Variants in QKI observed in about 807,000 individuals in gnomAD.
QKI encodes the protein QKI, KH domain containing RNA binding.
Under a neutral mutation model 39.0 loss-of-function variants are expected in QKI, and 10 were observed. That is an observed-to-expected ratio of 0.26 (90% CI 0.16 to 0.43). QKI has a LOEUF of 0.43. QKI is among the 20% of genes least tolerant of loss of function. The pLI, the probability that QKI is intolerant of heterozygous loss-of-function variation, is 1.00. For synonymous variants in QKI, 204 were observed against 155.4 expected, an observed-to-expected ratio of 1.31 and a Z score of -2.33; for missense variants, 218 against 428.0, an observed-to-expected ratio of 0.51 and a Z score of 4.33.
chr6:163,517,081 T>TTCTCTC (rs757701002), intron 3 of QKI, among the ~76,000 whole-genome samples: 36 of 97,658 alleles, frequency 3.7e-4, no homozygotes, highest in African/African-American at 2.1e-3. Context: ...CTCTCTCTCT[T>TTCTCTC]TCTCTCTCTC....
chr6:163,532,901 C>T (rs948672233), intron 3 of QKI, among the ~76,000 whole-genome samples: 4 of 152,114 alleles, frequency 2.6e-5, no homozygotes, highest in African/African-American at 9.7e-5. Flanking sequence ...ATAGGCTCAC[C>T]TCAGTTGTTC....
rs1031859189 is a variant in QKI at position 163,572,607 on chromosome 6, A to G, written c.*1897A>G. ...ATTTGTGTGCAAAGCCTACATCTAA[A>G]CACTTGAGTGAATAATCATTAACTG... On this transcript the variant is annotated 3_prime_UTR_variant, in exon 8 of 8. Coordinates refer to ENST00000361752, the MANE Select transcript of QKI (RefSeq NM_006775.3). 6.9e-6 allele frequency: 1 copy of G among 144,568 alleles called. No homozygotes were observed. The highest frequency in any genetic ancestry group is 1.5e-5 in the Non-Finnish European group (1 of 67,246). 9.0% of individuals were successfully genotyped at this position (144,568 alleles called of 1,614,324 possible). A position where few individuals can be genotyped will look rare whatever the true frequency, so the allele number is the denominator to read the frequency against.
At chr6:163,543,833 CTA>C (rs1466409110) in intron 4 of QKI, among the ~76,000 whole-genome samples, 2 of 151,824 alleles carry the variant, frequency 1.3e-5, no homozygotes, top group African/African-American at 4.8e-5. Flanking sequence ...TTCCAAGTCT[CTA>C]GAGGAAAAAA....
chr6:163,432,160 A>G (rs911601515), intron 1 of QKI, among the ~76,000 whole-genome samples: 3 of 152,172 alleles, frequency 2.0e-5, no homozygotes, highest in African/African-American at 7.2e-5. Context: ...TGTTGCTGGA[A>G]GTATCTACCC....
At chr6:163,465,212 C>G (rs1483507705) in intron 2 of QKI, among the ~76,000 whole-genome samples, 2 of 152,092 alleles carry the variant, frequency 1.3e-5, no homozygotes, top group African/African-American at 4.8e-5. Flanking sequence ...TGTGACAGGC[C>G]CACAGCTGAC....
At chr6:163,478,177 T>C (rs996412229) in intron 2 of QKI, among the ~76,000 whole-genome samples, 4 of 152,228 alleles carry the variant, frequency 2.6e-5, no homozygotes, top group African/African-American at 7.2e-5. Context: ...CAATTATTGA[T>C]ATCACTGGCC....
Position 163,571,319 on chromosome 6 carries a change from A to C in QKI, c.*609A>C, listed in dbSNP as rs1357668612. ...CTGCCAAAATTTGAAGTATTAGAAG[A>C]AAGTGTGCCATGAGAGAAAAACTTA... On this transcript the variant is annotated 3_prime_UTR_variant, in exon 8 of 8. Transcript: ENST00000361752. 6.6e-6 allele frequency: 1 copy of C among 152,224 alleles called. No homozygotes were observed. The highest frequency in any genetic ancestry group is 1.5e-5 in the Non-Finnish European group (1 of 68,044). The allele number at this position is 152,224 out of a possible 1,614,324, so 9.4% of individuals were successfully genotyped here.
chr6:163,432,457 T>C (rs192108717), intron 1 of QKI, among the ~76,000 whole-genome samples: 141 of 151,116 alleles, frequency 9.3e-4, no homozygotes, highest in African/African-American at 3.3e-3. Flanking sequence ...GCAGTGGTGC[T>C]ATCATAGCTC....
intron 2 of QKI, among the ~76,000 whole-genome samples, chr6:163,466,151 C>G (rs1583037722): frequency 6.6e-6 from 1 of 150,632 alleles, no homozygotes; most frequent in East Asian, 1.9e-4. Context: ...AGGGCTATCT[C>G]ATTTACAATA....
intron 3 of QKI, among the ~76,000 whole-genome samples, chr6:163,482,673 A>G (rs1195739099): frequency 6.6e-6 from 1 of 152,202 alleles, no homozygotes; most frequent in Non-Finnish European, 1.5e-5. Flanking sequence ...ACCGACGAAC[A>G]GCAGATGGAA....
rs991139668 is a variant in QKI at position 163,418,810 on chromosome 6, A to G, written c.142+3475A>G. On this transcript the variant is annotated intron_variant, in intron 1 of 7. Coordinates refer to ENST00000361752, the MANE Select transcript of QKI (RefSeq NM_006775.3). ...ACAGTAGTTGAATGCAAATTGTTAT[A>G]ATAAAGTTTTGTAATTTAGAATCGA... Among the ~76,000 whole-genome samples the G allele has an allele frequency of 2.6e-5, 4 of 152,184 alleles. No homozygotes were observed. The East Asian group carries it at 7.7e-4, about 29-fold the overall frequency.
intron 1 of QKI, among the ~76,000 whole-genome samples, chr6:163,449,488 G>A (rs1790390711): frequency 6.6e-6 from 1 of 152,142 alleles, no homozygotes; most frequent in African/African-American, 2.4e-5. Context: ...CATCAGCATT[G>A]CAAGTTGAGC....
intron 1 of QKI, among the ~76,000 whole-genome samples, chr6:163,432,525 T>G (rs552226525): frequency 6.6e-6 from 1 of 151,858 alleles, no homozygotes; most frequent in African/African-American, 2.4e-5. Context: ...TCCAGAGAGG[T>G]AGGACTGCAG....
At position 163,522,389 on chromosome 6, in the gene QKI, G is replaced by A. The variant is rs189601360; in HGVS notation, c.403-12593G>A. ...AATAAATAAATGAATACGTGAGTGA[G>A]TTGCTCAAGATTACAGGGGCACTGA... is the stretch of plus-strand genomic sequence containing the variant. On this transcript the variant is annotated intron_variant, in intron 3 of 7. Transcript: ENST00000361752. Among the ~76,000 whole-genome samples, 343 of 152,250 alleles carry A rather than the reference G, an allele frequency of 2.3e-3. 1 individual carries two copies. Among genetic ancestry groups the A allele is most frequent in the Admixed American group, 6.1e-3 (94 of 15,296 alleles).
In QKI at chr6:163,573,274, TA is replaced by T. The variant is rs1280771033; in HGVS notation, c.*2565del. The T allele has an allele frequency of 1.3e-5, 2 of 152,200 alleles. No homozygotes were observed. Among genetic ancestry groups the T allele is most frequent in the Admixed American group, 1.3e-4 (2 of 15,280 alleles). 9.4% of individuals were successfully genotyped at this position (152,200 alleles called of 1,614,324 possible). On this transcript the variant is annotated 3_prime_UTR_variant, in exon 8 of 8. Coordinates refer to ENST00000361752, the MANE Select transcript of QKI (RefSeq NM_006775.3). ...TTATTGAATTTATTTCTTATTAAAATATGTAGTTTTTAAGACTTTTTTTCTG... is the reference window on the plus strand; with the variant it reads ...TTATTGAATTTATTTCTTATTAAAATTGTAGTTTTTAAGACTTTTTTTCTG...
Position 163,505,092 on chromosome 6 carries a change from G to A in QKI, c.402+26196G>A, listed in dbSNP as rs911582456. On this transcript the variant is annotated intron_variant, in intron 3 of 7. Coordinates refer to ENST00000361752, the MANE Select transcript of QKI (RefSeq NM_006775.3). ...TTACTTCAGAGGACACAAGCCCCAA[G>A]CCTTGGGAGCTTCCATGTGGTGTTG... 3.3e-5 allele frequency among the ~76,000 whole-genome samples: 5 copies of A among 152,294 alleles called. No individual in the cohort carries two copies. The East Asian group carries it at 9.7e-4, about 29-fold the overall frequency.
chr6:163,443,771 ATTGTAC>A (rs1255282994), intron 1 of QKI, among the ~76,000 whole-genome samples: 3 of 152,200 alleles, frequency 2.0e-5, no homozygotes, highest in Non-Finnish European at 4.4e-5. Context: ...TTCTTTCTGT[ATTGTAC>A]TTAGGTGAAA....
At chr6:163,541,937 C>T (rs1038042733) in intron 4 of QKI, among the ~76,000 whole-genome samples, 4 of 151,812 alleles carry the variant, frequency 2.6e-5, no homozygotes, top group Non-Finnish European at 5.9e-5. Flanking sequence ...TTCCTCCTTC[C>T]TCTTTTTGCA....
chr6:163,548,257 C>G (rs1378058247), intron 4 of QKI, among the ~76,000 whole-genome samples: 1 of 152,348 alleles, frequency 6.6e-6, no homozygotes, highest in East Asian at 1.9e-4. Flanking sequence ...ATCTCTCCCT[C>G]ACTGCCTTGC....
Sources: allele counts gnomAD v4.1 joint callset (sites outside exome capture counted in the v4.1 genomes callset), GRCh38; gene constraint gnomAD v4.1.1; transcripts MANE v1.5; gene names NCBI Gene and HGNC (gene_info 2026-07-23, HGNC 2026-07-21).